Variants in USP34 observed in about 807,000 individuals in gnomAD.
The protein encoded by USP34 is ubiquitin specific peptidase 34.
A neutral mutation model predicts 460.3 loss-of-function variants in USP34; 70 were observed. The observed-to-expected ratio is 0.15, with a 90% CI of 0.13 to 0.19. The LOEUF (loss-of-function observed/expected upper bound fraction) is 0.19. Among genes scored for constraint, USP34 ranks in the 10% least tolerant of loss-of-function variants. USP34 has a pLI of 1.00. For synonymous variants in USP34, 1,647 were observed against 1,405.3 expected (o/e 1.17, Z -3.85); for missense variants, 3,985 against 4,236.2 (o/e 0.94, Z 1.65).
intron 1 of USP34, among the ~76,000 whole-genome samples, chr2:61,452,081 G>T (rs1171228950): frequency 6.6e-6 from 1 of 151,652 alleles, no homozygotes; most frequent in East Asian, 2.0e-4. Context: ...GGCTGAGGCA[G>T]GAGAATGGTG....
chr2:61,367,758 A>T (rs1692484393), intron 10 of USP34, among the ~76,000 whole-genome samples: 1 of 152,104 alleles, frequency 6.6e-6, no homozygotes, highest in South Asian at 2.1e-4. Flanking sequence ...TCTATATACA[A>T]ATAACTTTGA....
chr2:61,336,809 C>CAAAAA (rs10593128), intron 18 of USP34, among the ~76,000 whole-genome samples: 3 of 65,026 alleles, frequency 4.6e-5, no homozygotes, highest in African/African-American at 6.1e-5. Context: ...GACTCCATCT[C>CAAAAA]AAAAAAAAAA....
chr2:61,328,850 C>T (rs1186039572), intron 20 of USP34, among the ~76,000 whole-genome samples: 2 of 152,202 alleles, frequency 1.3e-5, no homozygotes, highest in African/African-American at 2.4e-5. Context: ...ATTTCCCTTT[C>T]ACTATGCCTC....
At chr2:61,343,272 C>T (rs1429354336) in intron 16 of USP34, among the ~76,000 whole-genome samples, 1 of 151,970 alleles carries the variant, frequency 6.6e-6, no homozygotes, top group Non-Finnish European at 1.5e-5. Flanking sequence ...TACTCTTTAC[C>T]TTCCTCCATC....
intron 20 of USP34, among the ~76,000 whole-genome samples, chr2:61,329,143 G>A (rs564329931): frequency 3.3e-5 from 5 of 151,648 alleles, no homozygotes; most frequent in African/African-American, 9.7e-5. Flanking sequence ...TGCCTCAGCC[G>A]CCTGAGTAGC....
intron 16 of USP34, among the ~76,000 whole-genome samples, 195 bp downstream of exon 16, chr2:61,343,620 C>T (rs1463368609): frequency 6.6e-6 from 1 of 151,748 alleles, no homozygotes; most frequent in Non-Finnish European, 1.5e-5. Flanking sequence ...AACTGCAGGA[C>T]TTATTTATAT....
At chr2:61,409,028 T>C (rs1410711541) in intron 2 of USP34, among the ~76,000 whole-genome samples, 1 of 151,424 alleles carries the variant, frequency 6.6e-6, no homozygotes, top group African/African-American at 2.4e-5. Context: ...AAGACCAGCC[T>C]GACCAATACA....
At chr2:61,290,191 C>A (rs770922407) in intron 33 of USP34, among the ~76,000 whole-genome samples, 3 of 152,026 alleles carry the variant, frequency 2.0e-5, no homozygotes, top group African/African-American at 4.8e-5. Flanking sequence ...AATTTTAAAA[C>A]CCTGTTCATA....
At chr2:61,354,487 T>C (rs953209886) in intron 10 of USP34, among the ~76,000 whole-genome samples, 4 of 152,116 alleles carry the variant, frequency 2.6e-5, no homozygotes, top group Admixed American at 6.5e-5. Context: ...CCCATAAAAA[T>C]TGCTAAAAGA....
At chr2:61,333,230 T>G (rs1691322402) in intron 19 of USP34, among the ~76,000 whole-genome samples, 1 of 152,086 alleles carries the variant, frequency 6.6e-6, no homozygotes, top group Non-Finnish European at 1.5e-5. Flanking sequence ...TCATTAATCA[T>G]AAGTTCTCCA....
intron 62 of USP34, among the ~76,000 whole-genome samples, chr2:61,225,819 G>A (rs927494386): frequency 6.6e-6 from 1 of 152,118 alleles, no homozygotes; most frequent in African/African-American, 2.4e-5. Context: ...ATTCATTAAC[G>A]TTTAACTCAC....
intron 27 of USP34, among the ~76,000 whole-genome samples, chr2:61,301,885 C>CA (rs1321957176): frequency 2.0e-5 from 3 of 151,866 alleles, no homozygotes; most frequent in Non-Finnish European, 4.4e-5. Context: ...CTTTATCTTT[C>CA]TTTAAAGCAC....
chr2:61,351,612 G>C (rs1691944869), intron 10 of USP34, among the ~76,000 whole-genome samples: 1 of 151,980 alleles, frequency 6.6e-6, no homozygotes, highest in Non-Finnish European at 1.5e-5. Context: ...TTAAAATATA[G>C]ATTTTACTCA....
At chr2:61,247,364 G>T (rs1296090959) in intron 49 of USP34, among the ~76,000 whole-genome samples, 1 of 152,178 alleles carries the variant, frequency 6.6e-6, no homozygotes, top group Non-Finnish European at 1.5e-5. Context: ...AGTGGCTGAG[G>T]AGTGTAGATA....
At chr2:61,434,446 A>G (rs1573037692) in intron 1 of USP34, among the ~76,000 whole-genome samples, 1 of 152,240 alleles carries the variant, frequency 6.6e-6, no homozygotes, top group East Asian at 1.9e-4. Context: ...GAGCAACCAC[A>G]TGCCTGTGCT....
intron 15 of USP34, among the ~76,000 whole-genome samples, chr2:61,344,784 T>C (rs1413239185): frequency 1.3e-5 from 2 of 152,280 alleles, no homozygotes; most frequent in Middle Eastern, 3.4e-3. Flanking sequence ...TAATGCAAGA[T>C]AGTGAGCCAG....
intron 1 of USP34, among the ~76,000 whole-genome samples, chr2:61,462,581 C>T (rs1192648020): frequency 6.6e-6 from 1 of 150,692 alleles, no homozygotes; most frequent in African/African-American, 2.4e-5. Flanking sequence ...TCAGGAGAAC[C>T]GGACAAAGTA....
At chr2:61,442,864 G>A (rs984430570) in intron 1 of USP34, among the ~76,000 whole-genome samples, 5 of 149,814 alleles carry the variant, frequency 3.3e-5, no homozygotes, top group Admixed American at 1.3e-4. Flanking sequence ...CGTGTTCAAC[G>A]ATAGATGAAT....
At chr2:61,251,926 C>T (rs966752984) in intron 48 of USP34, among the ~76,000 whole-genome samples, 4 of 151,440 alleles carry the variant, frequency 2.6e-5, no homozygotes, top group Admixed American at 1.3e-4. Flanking sequence ...TTCATCTTTC[C>T]GTACTCAATT....
Sources: gnomAD v4.1 joint callset for allele counts (sites outside exome capture counted in the v4.1 genomes callset) on GRCh38, gnomAD v4.1.1 for gene constraint, MANE v1.5 for transcripts, NCBI Gene and HGNC (gene_info 2026-07-23, HGNC 2026-07-21) for gene names.